The following DNAJC17 variants were observed in gnomAD, a reference collection of about 807,000 sequenced individuals.
DNAJC17 encodes the protein dnaJ homolog subfamily C member 17.
DNAJC17 carries 35 observed loss-of-function variants against 48.1 expected under a neutral mutation model. The ratio of observed to expected loss-of-function variants is 0.73; its 90% confidence interval spans 0.56 to 0.96. The LOEUF (loss-of-function observed/expected upper bound fraction) is 0.96. DNAJC17 is among the 50% of genes least tolerant of loss of function. The pLI is 0.00. For missense variants in DNAJC17, 355 were observed against 377.1 expected (o/e 0.94, Z 0.48); for synonymous variants, 117 against 142.7 (o/e 0.82, Z 1.28).
intron 1 of DNAJC17, among the ~76,000 whole-genome samples, chr15:40,804,121 C>A (rs1243724275): frequency 6.7e-6 from 1 of 150,326 alleles, no homozygotes; most frequent in Non-Finnish European, 1.5e-5. Context: ...TGCGTAACAC[C>A]CTGCCCAGCT....
At chr15:40,780,236 G>A in intron 1 of DNAJC17, 1 of 644,234 alleles carries the variant, frequency 1.6e-6, no homozygotes, top group Non-Finnish European at 2.9e-6. Flanking sequence ...CCTCACCACT[G>A]CAGATGTCCA....
chr15:40,774,018 G>A (rs1566820917), intron 9 of DNAJC17, among the ~76,000 whole-genome samples, 181 bp from the exon 10 acceptor site: 1 of 152,308 alleles, frequency 6.6e-6, no homozygotes, highest in South Asian at 2.1e-4. Context: ...GGGGTTGGGG[G>A]AGCTTTCTGA....
rs1317122778 is a variant in DNAJC17 at position 40,779,395 on chromosome 15, G to A, written c.208-85C>T. 6 of 1,560,750 alleles carry A rather than the reference G, an allele frequency of 3.8e-6. No individual in the cohort carries two copies. The East Asian group carries it at 9.0e-5, about 23-fold the overall frequency. On this transcript the variant is annotated intron_variant, in intron 3 of 10. Transcript: ENST00000220496. ...GCAATCTGCCTGGCCCCTAGCCCAC[G>A]AGCCATCAGAGTGGCAGCCTGGTGA... is the stretch of plus-strand genomic sequence containing the variant.
chr15:40,800,972 AG>A lies in DNAJC17; in HGVS notation c.78+6396del, dbSNP rs374563707. Among the ~76,000 whole-genome samples the A allele has an allele frequency of 1.6e-3, 229 of 147,236 alleles. 2 individuals are homozygous for A. In the East Asian group the frequency reaches 0.035, roughly 23 times the overall value. ...CTCCGTCTCAAAAAAAAAAAAAAAA[AG>A]GTCATGGGCCATTTGGCCCCTCAAA... On this transcript the variant is annotated intron_variant, in intron 1 of 10. Coordinates refer to ENST00000220496, the MANE Select transcript of DNAJC17 (RefSeq NM_018163.3).
At chr15:40,799,224 C>CAA (rs34609538) in intron 1 of DNAJC17, among the ~76,000 whole-genome samples, 116 of 43,752 alleles carry the variant, frequency 2.7e-3, no homozygotes, top group African/African-American at 4.1e-3. Context: ...GACTCCATCT[C>CAA]AAAAAAAAAA....
intron 1 of DNAJC17, among the ~76,000 whole-genome samples, chr15:40,792,895 C>CTTTTTT (rs563611021): frequency 1.6e-5 from 2 of 126,296 alleles, no homozygotes; most frequent in Non-Finnish European, 3.3e-5. Context: ...AAGATCCCTT[C>CTTTTTT]TTTTTTTTTT....
intron 10 of DNAJC17, chr15:40,771,378 A>G: frequency 3.2e-6 from 1 of 310,162 alleles, no homozygotes; most frequent in South Asian, 4.2e-5. Flanking sequence ...TGGCAGAGCC[A>G]GAAGGTGGCA....
At chr15:40,776,883 C>T in intron 4 of DNAJC17, 1 of 463,146 alleles carries the variant, frequency 2.2e-6, no homozygotes, top group Non-Finnish European at 4.0e-6. Context: ...AGCTGGTTCT[C>T]TCTAGTGAAC....
chr15:40,788,016 C>T (rs1372471886), intron 1 of DNAJC17, among the ~76,000 whole-genome samples: 1 of 152,142 alleles, frequency 6.6e-6, no homozygotes, highest in Non-Finnish European at 1.5e-5. Context: ...AAGGAGGACA[C>T]AGAGGGAGGC....
Position 40,767,309 on chromosome 15 carries a change from G to T in DNAJC17, c.*631C>A, listed in dbSNP as rs1888972271. The stretch of plus-strand genomic sequence containing the variant: ...GGCTTCCGTGTGCTGAGCATGACGG[G>T]GGTGGGCCAGACGCTGGTGTGGTGT... On this transcript the variant is annotated 3_prime_UTR_variant, in exon 11 of 11. Transcript: ENST00000220496. 1.9e-6 allele frequency: 3 copies of T among 1,604,218 alleles called. No homozygotes were observed. The highest frequency in any genetic ancestry group is 2.3e-5 in the East Asian group (1 of 43,704).
intron 1 of DNAJC17, among the ~76,000 whole-genome samples, chr15:40,795,040 G>A (rs577660225): frequency 6.6e-6 from 1 of 152,022 alleles, no homozygotes; most frequent in East Asian, 1.9e-4. Flanking sequence ...ATTTTTAGCC[G>A]ACTCTTGCTC....
intron 1 of DNAJC17, among the ~76,000 whole-genome samples, chr15:40,798,706 C>G (rs1456008432): frequency 6.6e-6 from 1 of 152,028 alleles, no homozygotes; most frequent in African/African-American, 2.4e-5. Context: ...CCAGAGGTGA[C>G]AAAATCTGAT....
At chr15:40,788,472 G>A (rs1889702909) in intron 1 of DNAJC17, among the ~76,000 whole-genome samples, 1 of 152,288 alleles carries the variant, frequency 6.6e-6, no homozygotes, top group South Asian at 2.1e-4. Context: ...CGAGGTGGGT[G>A]GATCATGAGG....
At chr15:40,775,630 A>C in intron 6 of DNAJC17, 34 bp from the exon 7 acceptor site, 1 of 1,602,594 alleles carries the variant, frequency 6.2e-7, no homozygotes, top group Non-Finnish European at 8.5e-7. Context: ...AAAGTAGAAT[A>C]TGAGGGAGTC....
intron 1 of DNAJC17, among the ~76,000 whole-genome samples, chr15:40,784,193 G>A (rs1889581716): frequency 6.6e-6 from 1 of 152,024 alleles, no homozygotes; most frequent in African/African-American, 2.4e-5. Context: ...TCCAGCCTGG[G>A]CGACAAAAAT....
Position 40,776,300 on chromosome 15 carries a change from G to A in DNAJC17, c.382-8C>T. On this transcript the variant is annotated splice_polypyrimidine_tract_variant and splice_region_variant and intron_variant, in intron 5 of 10. Coordinates refer to ENST00000220496, the MANE Select transcript of DNAJC17 (RefSeq NM_018163.3). ...TTCTCTCAGGCGTTCGATCTGCAGA[G>A]CAGGGGGTGGGGGTGACAATTCTGT... The A allele has an allele frequency of 6.2e-7, 1 of 1,613,496 alleles. No homozygotes were observed. The highest frequency in any genetic ancestry group is 8.5e-7 in the Non-Finnish European group (1 of 1,179,670).
chr15:40,790,168 C>G (rs1355405728), intron 1 of DNAJC17, among the ~76,000 whole-genome samples: 1 of 152,184 alleles, frequency 6.6e-6, no homozygotes, highest in Admixed American at 6.5e-5. Context: ...AAATCTCTAT[C>G]TGTGTTACAG....
Position 40,767,546 on chromosome 15 carries a change from C to T in DNAJC17, c.*394G>A. On this transcript the variant is annotated 3_prime_UTR_variant, in exon 11 of 11. Coordinates refer to ENST00000220496, the MANE Select transcript of DNAJC17 (RefSeq NM_018163.3). ...CAGTGGGAGAGGGCAGTGCCCGGTG[C>T]CCTGGTGCTCCCAGCTGCCCTCCTG... 1.6e-6 allele frequency: 1 copy of T among 642,380 alleles called. No homozygotes were observed. Among genetic ancestry groups the T allele is most frequent in the South Asian group, 2.3e-5 (1 of 43,084 alleles). 39.8% of individuals were successfully genotyped at this position (642,380 alleles called of 1,614,324 possible). A position where few individuals can be genotyped will look rare whatever the true frequency, so the allele number is the denominator to read the frequency against.
At position 40,773,721 on chromosome 15, in the gene DNAJC17, C is replaced by T. The variant is rs755451649; in HGVS notation, c.792+6G>A. ...GCGCCCAGCCGGGCGAGGCCTGACT[C>T]CTCACCTTTGACAGTCCTGAGTGGC... On this transcript the variant is annotated splice_donor_region_variant and intron_variant, in intron 10 of 10. Coordinates refer to ENST00000220496, the MANE Select transcript of DNAJC17 (RefSeq NM_018163.3). 1 of 1,611,914 alleles carries T rather than the reference C, an allele frequency of 6.2e-7. No individual in the cohort carries two copies. Among genetic ancestry groups the T allele is most frequent in the Admixed American group, 1.7e-5 (1 of 59,676 alleles).
Sources: allele counts gnomAD v4.1 joint callset (sites outside exome capture counted in the v4.1 genomes callset), GRCh38; gene constraint gnomAD v4.1.1; transcripts MANE v1.5; gene names NCBI Gene and HGNC (gene_info 2026-07-23, HGNC 2026-07-21).